The following SHROOM3 variants were observed in gnomAD, a reference collection of about 807,000 sequenced individuals.
The protein encoded by SHROOM3 is shroom family member 3.
In SHROOM3, 47 loss-of-function variants were observed where a neutral mutation model predicts 138.6. That is an observed-to-expected ratio of 0.34 (90% confidence interval 0.27 to 0.43). The LOEUF (loss-of-function observed/expected upper bound fraction) is 0.43, where lower values mean the gene tolerates loss of function less well. SHROOM3 is among the 20% of genes least tolerant of loss of function. The pLI is 1.00. For missense variants in SHROOM3, 2,491 were observed against 2,596.5 expected (o/e 0.96, Z 0.88); for synonymous variants, 1,062 against 1,063.3 (o/e 1.00, Z 0.02).
intron 2 of SHROOM3, among the ~76,000 whole-genome samples, chr4:76,658,912 T>C (rs1736123746): frequency 6.6e-6 from 1 of 152,084 alleles, no homozygotes; most frequent in South Asian, 2.1e-4. Context: ...TGTCATTTCA[T>C]AGTAAATCTT....
chr4:76,779,217 T>C lies in SHROOM3; in HGVS notation c.*40T>C, dbSNP rs1359344562. 1 of 1,559,986 alleles carries C rather than the reference T, an allele frequency of 6.4e-7. No individual in the cohort carries two copies. The highest frequency in any genetic ancestry group is 2.3e-5 in the East Asian group (1 of 44,394). ...CCCAACCAAAAGATCACTGTTTCTC[T>C]CAACACTATTTAATCTGAAAAATGT... is the stretch of plus-strand genomic sequence containing the variant. On this transcript the variant is annotated 3_prime_UTR_variant, in exon 11 of 11. Transcript: ENST00000296043.
At chr4:76,560,168 C>A (rs1411414117) in intron 2 of SHROOM3, among the ~76,000 whole-genome samples, 1 of 152,138 alleles carries the variant, frequency 6.6e-6, no homozygotes, top group Non-Finnish European at 1.5e-5. Context: ...GAGACTTTAT[C>A]TGGTAGATAC....
At chr4:76,643,418 G>A (rs1577946740) in intron 2 of SHROOM3, among the ~76,000 whole-genome samples, 2 of 152,102 alleles carry the variant, frequency 1.3e-5, no homozygotes, top group Non-Finnish European at 2.9e-5. Flanking sequence ...TTATAAGACA[G>A]AGAGACAGGA....
At chr4:76,752,720 G>C (rs1721672529) in intron 6 of SHROOM3, among the ~76,000 whole-genome samples, 1 of 152,008 alleles carries the variant, frequency 6.6e-6, no homozygotes, top group African/African-American at 2.4e-5. Context: ...TCTTCAAAAA[G>C]AAAATGCCAC....
chr4:76,494,799 G>A (rs995503379), intron 1 of SHROOM3, among the ~76,000 whole-genome samples: 1 of 152,132 alleles, frequency 6.6e-6, no homozygotes, highest in African/African-American at 2.4e-5. Context: ...AGCCTTTGAT[G>A]TCCAATGTGC....
At chr4:76,552,405 G>A (rs1733385181) in intron 1 of SHROOM3, among the ~76,000 whole-genome samples, 2 of 150,832 alleles carry the variant, frequency 1.3e-5, no homozygotes, top group African/African-American at 4.8e-5. Context: ...TACTCAAAAG[G>A]CTGAGATGGG....
rs1281093075 is a variant in SHROOM3, at chr4:76,740,909, A to G, written c.2736A>G (p.Glu912=). ...GGCGGGACAGGCCCGGCTCGCCCGA[A>G]TCGCCCCTGCTGGATGCCCCCTTCA... The part of the protein sequence containing the change: ...PEWRDRPGSP[E]SPLLDAPFSR... Residue 912 remains glutamate (E), a synonymous_variant, in exon 5 of 11, where the codon GAA becomes GAG. Coordinates refer to ENST00000296043, the MANE Select transcript of SHROOM3 (RefSeq NM_020859.4). This position sits in a 1 kb window ranked among gnomAD's most constrained non-coding sequence, Gnocchi z 4.0. 2.7e-6 allele frequency: 4 copies of G among 1,504,740 alleles called. No individual in the cohort carries two copies. In the African/African-American group the frequency reaches 5.6e-5, roughly 21 times the overall value. 93.2% of individuals were successfully genotyped at this position (1,504,740 alleles called of 1,614,324 possible). A position where few individuals can be genotyped will look rare whatever the true frequency, so the allele number is the denominator to read the frequency against.
intron 1 of SHROOM3, among the ~76,000 whole-genome samples, chr4:76,441,574 C>T (rs1219084687): frequency 6.6e-6 from 1 of 152,162 alleles, no homozygotes; most frequent in Non-Finnish European, 1.5e-5. Context: ...CTTTAACATC[C>T]TTTGCCCTTC....
intron 1 of SHROOM3, among the ~76,000 whole-genome samples, chr4:76,495,546 T>C (rs954440345): frequency 6.6e-6 from 1 of 152,340 alleles, no homozygotes; most frequent in Admixed American, 6.5e-5. Flanking sequence ...TTCATTGCCC[T>C]ATAGGATTCT....
At chr4:76,720,495 A>G (rs1007076321) in intron 3 of SHROOM3, among the ~76,000 whole-genome samples, 1 of 152,148 alleles carries the variant, frequency 6.6e-6, no homozygotes, top group Non-Finnish European at 1.5e-5. Context: ...TTTTATCATT[A>G]GTATTTGGGG....
At chr4:76,552,060 A>G (rs190957819) in intron 1 of SHROOM3, among the ~76,000 whole-genome samples, 3,004 of 136,328 alleles carry the variant, frequency 0.022, 103 homozygotes, top group African/African-American at 0.078. Context: ...ACGGGGTTTC[A>G]CCGTGTTAGC....
At position 76,761,029 on chromosome 4, in the gene SHROOM3, GT is replaced by G. The variant is rs553348982; in HGVS notation, c.5349+1343del. Among the ~76,000 whole-genome samples the G allele has an allele frequency of 7.7e-4, 116 of 151,114 alleles. No homozygotes were observed. In the Middle Eastern group the frequency reaches 0.024, roughly 31 times the overall value. ...TTCCTCCCTATCTTAATTTTTAAGT[GT>G]TTTTTTTTCTAAGTTTTATTTTAGA... On this transcript the variant is annotated intron_variant, in intron 9 of 10. Coordinates refer to ENST00000296043, the MANE Select transcript of SHROOM3 (RefSeq NM_020859.4).
At chr4:76,592,359 T>C (rs1343431820) in intron 2 of SHROOM3, among the ~76,000 whole-genome samples, 2 of 152,206 alleles carry the variant, frequency 1.3e-5, no homozygotes, top group Non-Finnish European at 2.9e-5. Flanking sequence ...ATAATTTGTG[T>C]AAAGCCTTCT....
chr4:76,606,258 T>C (rs749164562), intron 2 of SHROOM3, among the ~76,000 whole-genome samples: 132 of 150,534 alleles, frequency 8.8e-4, no homozygotes, highest in African/African-American at 1.2e-3. Context: ...GTGATCTGCC[T>C]GCCTCGGCCT....
At chr4:76,482,248 A>G (rs1253594662) in intron 1 of SHROOM3, among the ~76,000 whole-genome samples, 2 of 152,232 alleles carry the variant, frequency 1.3e-5, no homozygotes, top group Non-Finnish European at 2.9e-5. Flanking sequence ...TTGTATATTT[A>G]GAAAACCCCA....
chr4:76,765,214 G>A (rs1257749405), intron 9 of SHROOM3, among the ~76,000 whole-genome samples: 4 of 151,208 alleles, frequency 2.6e-5, no homozygotes, highest in African/African-American at 7.3e-5. Flanking sequence ...TTTTAAAGTT[G>A]TTTTAAAGAC....
chr4:76,463,959 C>G (rs1364562910), intron 1 of SHROOM3, among the ~76,000 whole-genome samples: 1 of 152,254 alleles, frequency 6.6e-6, no homozygotes, highest in African/African-American at 2.4e-5. Context: ...TGGAGAATCT[C>G]TACTAGGGCA....
intron 8 of SHROOM3, 101 bp from the exon 9 acceptor site, chr4:76,759,444 A>T: frequency 6.9e-7 from 1 of 1,459,364 alleles, no homozygotes; most frequent in Non-Finnish European, 9.6e-7. Flanking sequence ...GAAAGAAATT[A>T]AATAGAATTG....
chr4:76,464,108 G>A (rs558242905), intron 1 of SHROOM3, among the ~76,000 whole-genome samples: 66 of 152,284 alleles, frequency 4.3e-4, no homozygotes, highest in African/African-American at 1.2e-3. Context: ...CTGTGCACCC[G>A]GAAATGCCAC....
Sources: allele counts gnomAD v4.1 joint callset (sites outside exome capture counted in the v4.1 genomes callset), GRCh38; gene constraint gnomAD v4.1.1; non-coding constraint Gnocchi (gnomAD v3.1); transcripts MANE v1.5; gene names NCBI Gene and HGNC (gene_info 2026-07-23, HGNC 2026-07-21).